The following C12orf42 variants were observed in gnomAD, a reference collection of about 807,000 sequenced individuals.
C12orf42 encodes chromosome 12 open reading frame 42, also known as uncharacterized protein C12orf42.
A neutral mutation model predicts 21.6 loss-of-function variants in C12orf42; 25 were observed. The ratio of observed to expected loss-of-function variants is 1.16; its 90% CI spans 0.84 to 1.62. The LOEUF (loss-of-function observed/expected upper bound fraction) is 1.62. C12orf42 is among the 40% of genes most tolerant of loss of function. The probability of loss-of-function intolerance (pLI) is 0.00; values close to 1 mark genes in which losing one functional copy is unlikely to be tolerated. For missense variants in C12orf42, 483 were observed against 459.3 expected (o/e 1.05, Z -0.47); for synonymous variants, 174 against 175.0 (o/e 0.99, Z 0.05).
chr12:103,485,634 C>T (rs1954782568), intron 1 of C12orf42, among the ~76,000 whole-genome samples: 1 of 152,056 alleles, frequency 6.6e-6, no homozygotes, highest in African/African-American at 2.4e-5. Flanking sequence ...TGTTTCTGTC[C>T]TCTTTTATTT....
intron 4 of C12orf42, among the ~76,000 whole-genome samples, chr12:103,342,663 C>G (rs998133109): frequency 9.4e-6 from 1 of 106,316 alleles, no homozygotes; most frequent in African/African-American, 3.7e-5. Flanking sequence ...CCCCACCCCC[C>G]GCCCCCGCAT....
the C12orf42 span, among the ~76,000 whole-genome samples, chr12:103,179,675 TATG>T: frequency 1.3e-4 from 20 of 152,180 alleles, no homozygotes; most frequent in African/African-American, 4.3e-4. Context: ...AAATTAGAAA[TATG>T]AGGGGATCAG....
intron 4 of C12orf42, among the ~76,000 whole-genome samples, chr12:103,334,621 C>A (rs1849288875): frequency 6.6e-6 from 1 of 152,146 alleles, no homozygotes; most frequent in African/African-American, 2.4e-5. Flanking sequence ...GACAGGGCTG[C>A]CACTAGATCC....
chr12:103,133,660 C>A, the C12orf42 span, among the ~76,000 whole-genome samples: 1 of 152,226 alleles, frequency 6.6e-6, no homozygotes, highest in South Asian at 2.1e-4. Flanking sequence ...TTGCACACAG[C>A]CAGAATCAAA....
intron 4 of C12orf42, among the ~76,000 whole-genome samples, chr12:103,306,808 A>C (rs938090900): frequency 5.3e-5 from 8 of 152,162 alleles, no homozygotes; most frequent in Non-Finnish European, 1.0e-4. Flanking sequence ...ATGTAACCAA[A>C]TTAAGATGAA....
the C12orf42 span, chr12:103,550,389 G>A: frequency 6.4e-4 from 97 of 152,050 alleles, no homozygotes; most frequent in Non-Finnish European, 1.3e-3. Flanking sequence ...GTATTCCATC[G>A]TCCTAATATA....
rs1372333799 is a variant in C12orf42, at chr12:103,302,338, G to A, written c.853C>T (p.Leu285Phe). 6.2e-7 allele frequency: 1 copy of A among 1,613,992 alleles called. No homozygotes were observed. Among genetic ancestry groups the A allele is most frequent in the Admixed American group, 1.7e-5 (1 of 60,026 alleles). ...KGAVAMAPEM[L>F]PKHPHTPRDR... ...CGCGGGGTATGAGGATGCTTGGGGA[G>A]CATCTCCGGCGCCATGGCAACCGCG... Residue 285 changes from leucine (L) to phenylalanine (F), a missense_variant, in exon 6 of 6, where the codon CTC becomes TTC. Coordinates refer to ENST00000548883, the MANE Select transcript of C12orf42 (RefSeq NM_198521.5).
At chr12:103,189,307 C>T in the C12orf42 span, among the ~76,000 whole-genome samples, 1 of 152,102 alleles carries the variant, frequency 6.6e-6, no homozygotes, top group Non-Finnish European at 1.5e-5. Context: ...AGCAAGTATT[C>T]CTAGAAACAG....
chr12:103,278,576 C>T (rs775017685), intron 4 of C12orf42, among the ~76,000 whole-genome samples: 5 of 152,222 alleles, frequency 3.3e-5, no homozygotes, highest in Non-Finnish European at 2.9e-5. Context: ...GCACGTGGCA[C>T]CTGCCAGTCA....
At chr12:103,388,130 G>A (rs2046770946) in intron 3 of C12orf42, among the ~76,000 whole-genome samples, 1 of 152,198 alleles carries the variant, frequency 6.6e-6, no homozygotes, top group African/African-American at 2.4e-5. Flanking sequence ...CCTCCAGCGT[G>A]GAGCTTTGCA....
At chr12:103,410,760 C>T (rs1171050309) in intron 2 of C12orf42, among the ~76,000 whole-genome samples, 1 of 152,184 alleles carries the variant, frequency 6.6e-6, no homozygotes, top group Non-Finnish European at 1.5e-5. Flanking sequence ...AGCAGTCTCA[C>T]CTTTGTCCTT....
chr12:103,076,680 A>T, the C12orf42 span, among the ~76,000 whole-genome samples: 1 of 152,204 alleles, frequency 6.6e-6, no homozygotes, highest in Admixed American at 6.5e-5. Context: ...AGTCACTGTC[A>T]GTGCCATTAT....
At chr12:103,284,675 T>C (rs2036334206) in intron 4 of C12orf42, among the ~76,000 whole-genome samples, 1 of 152,222 alleles carries the variant, frequency 6.6e-6, no homozygotes, top group South Asian at 2.1e-4. Flanking sequence ...CTTTGTTACA[T>C]ATTTGTTGAA....
Position 103,308,384 on chromosome 12 carries a change from A to T in C12orf42, c.260-2039T>A, listed in dbSNP as rs563346997. On this transcript the variant is annotated intron_variant, in intron 4 of 5. Transcript: ENST00000548883. ...ATAATTCAAACTCTGGGTAACTTCTATGTAATATTCAAATTTTATGCACTC... is the reference window on the plus strand; with the variant it reads ...ATAATTCAAACTCTGGGTAACTTCTTTGTAATATTCAAATTTTATGCACTC... Among the ~76,000 whole-genome samples the T allele has an allele frequency of 5.8e-4, 89 of 152,362 alleles. 2 individuals carry two copies. The South Asian group carries it at 0.018, about 32-fold the overall frequency.
At chr12:103,367,983 C>G (rs557590358) in intron 4 of C12orf42, 1 of 987,578 alleles carries the variant, frequency 1.0e-6, no homozygotes, top group East Asian at 6.1e-5. Context: ...CAAAATAATG[C>G]GTTGTTCAAA....
chr12:103,396,981 C>T (rs2047591507), intron 3 of C12orf42, among the ~76,000 whole-genome samples: 1 of 152,168 alleles, frequency 6.6e-6, no homozygotes, highest in Admixed American at 6.5e-5. Flanking sequence ...CCAGCTTTGA[C>T]CTGGAATATA....
rs138009238 is a variant in C12orf42, at chr12:103,434,460, G to A, written c.79-32785C>T. Reference sequence around the variant, plus strand: ...TCCCAGCGTGAGGGACGCAGAGGACGGGTGATTTCTGCATTTCCATTTGAG... The same window carrying A: ...TCCCAGCGTGAGGGACGCAGAGGACAGGTGATTTCTGCATTTCCATTTGAG... On this transcript the variant is annotated intron_variant, in intron 2 of 5. Transcript: ENST00000548883. Among the ~76,000 whole-genome samples, 88 of 152,286 alleles carry A rather than the reference G, an allele frequency of 5.8e-4. No homozygotes were observed. In the East Asian group the frequency reaches 9.1e-3, roughly 16 times the overall value.
At chr12:103,537,682 C>G in the C12orf42 span, among the ~76,000 whole-genome samples, 1 of 152,172 alleles carries the variant, frequency 6.6e-6, no homozygotes, top group Non-Finnish European at 1.5e-5. Context: ...AAGGACTGAC[C>G]TCATTCTCCT....
chr12:103,484,789 A>G (rs1954709953), intron 1 of C12orf42, among the ~76,000 whole-genome samples: 1 of 151,142 alleles, frequency 6.6e-6, no homozygotes, highest in Admixed American at 6.6e-5. Context: ...TTATGGTTTC[A>G]GGTCTAACAT....
Sources: gnomAD v4.1 joint callset for allele counts (sites outside exome capture counted in the v4.1 genomes callset) on GRCh38, gnomAD v4.1.1 for gene constraint, MANE v1.5 for transcripts, NCBI Gene and HGNC (gene_info 2026-07-23, HGNC 2026-07-21) for gene names.